Variants in ZZEF1 observed in about 807,000 individuals in gnomAD.
ZZEF1 encodes zinc finger ZZ-type and EF-hand domain-containing protein 1.
A neutral mutation model predicts 342.8 loss-of-function variants in ZZEF1; 157 were observed. The ratio of observed to expected loss-of-function variants is 0.46; its 90% CI spans 0.40 to 0.52. The LOEUF is 0.52. ZZEF1 is among the 20% of genes least tolerant of loss of function. The pLI is 0.00. For synonymous variants in ZZEF1, 1,505 were observed against 1,429.1 expected, an observed-to-expected ratio of 1.05 and a Z score of -1.20; for missense variants, 3,480 against 3,725.6, an observed-to-expected ratio of 0.93 and a Z score of 1.72.
intron 6 of ZZEF1, among the ~76,000 whole-genome samples, chr17:4,108,416 A>T (rs1172122731): frequency 6.6e-6 from 1 of 152,204 alleles, no homozygotes; most frequent in Non-Finnish European, 1.5e-5. Flanking sequence ...GGTCAAGGAA[A>T]TACTGAGGAA....
At chr17:4,013,317 A>C in intron 52 of ZZEF1, 132 bp downstream of exon 52, 2 of 890,890 alleles carry the variant, frequency 2.2e-6, no homozygotes, top group Non-Finnish European at 3.2e-6. Flanking sequence ...AAAGCAAATG[A>C]CTGAAAAACT....
intron 38 of ZZEF1, among the ~76,000 whole-genome samples, chr17:4,043,827 A>G (rs917517951): frequency 6.6e-6 from 1 of 152,120 alleles, no homozygotes; most frequent in Non-Finnish European, 1.5e-5. Context: ...CCCCAGAGAG[A>G]CACCAATCAC....
intron 7 of ZZEF1, among the ~76,000 whole-genome samples, chr17:4,105,357 G>C (rs1161009135): frequency 6.6e-6 from 1 of 152,112 alleles, no homozygotes; most frequent in Non-Finnish European, 1.5e-5. Flanking sequence ...AGGTAATCAG[G>C]CTCCCTGGAC....
Position 4,032,911 on chromosome 17 carries a change from T to C in ZZEF1, c.6676A>G (p.Thr2226Ala), listed in dbSNP as rs1301039320. 6.2e-7 allele frequency: 1 copy of C among 1,613,974 alleles called. No individual in the cohort carries two copies. Among genetic ancestry groups the C allele is most frequent in the South Asian group, 1.1e-5 (1 of 91,008 alleles). Residue 2226 changes from threonine to alanine, a missense_variant, in exon 41 of 55, where the codon ACA becomes GCA. Coordinates refer to ENST00000381638, the MANE Select transcript of ZZEF1 (RefSeq NM_015113.4). ...PLWRDVIATF[T>A]DHCIKQLPFQ... ...GGCAGCTGCTTGATGCAGTGGTCTGTGAAGGTGGCAATGACATCACGCCAC... is the reference window on the plus strand; with the variant it reads ...GGCAGCTGCTTGATGCAGTGGTCTGCGAAGGTGGCAATGACATCACGCCAC...
chr17:4,019,601 C>A (rs1216499148), intron 46 of ZZEF1, 68 bp downstream of exon 46: 2 of 1,407,516 alleles, frequency 1.4e-6, no homozygotes, highest in African/African-American at 1.4e-5. Flanking sequence ...TGCCAGGAGG[C>A]GCACACCCTC....
Position 4,014,495 on chromosome 17 carries a change from A to G in ZZEF1, c.8166T>C (p.Gly2722=), listed in dbSNP as rs2056049249. The change falls in exon 50 of 55, where the codon GGT becomes GGC. Residue 2722 remains glycine (G), a synonymous_variant. Transcript: ENST00000381638. The surrounding 1 kb of genome is among the most constrained non-coding windows in gnomAD (Gnocchi z 4.4). ...TNFEDKVHIP[G]AIYLSIKFDS... is the part of the protein sequence containing the mutation. ...CGAATTTGATTGAGAGGTAGATGGC[A>G]CCAGGAATGTGAACTTTATCCTAGG... is the stretch of plus-strand genomic sequence containing the variant. The G allele has an allele frequency of 3.1e-6, 5 of 1,614,186 alleles. No homozygotes were observed. Among genetic ancestry groups the G allele is most frequent in the Non-Finnish European group, 4.2e-6 (5 of 1,180,034 alleles).
In ZZEF1 at chr17:4,024,361, C is replaced by G. The variant is rs180990137; in HGVS notation, c.7092+558G>C. ...TACAGGCACGTACCACCACACCTGG[C>G]TAATTTTCTGTATTTTTAGTAGAGA... On this transcript the variant is annotated intron_variant, in intron 43 of 54. Coordinates refer to ENST00000381638, the MANE Select transcript of ZZEF1 (RefSeq NM_015113.4). Among the ~76,000 whole-genome samples, 113 of 152,064 alleles carry G rather than the reference C, an allele frequency of 7.4e-4. 1 individual carries two copies. Among genetic ancestry groups the G allele is most frequent in the Non-Finnish European group, 1.5e-3 (104 of 67,972 alleles).
intron 1 of ZZEF1, among the ~76,000 whole-genome samples, chr17:4,126,542 A>G (rs2058576459): frequency 6.6e-6 from 1 of 152,192 alleles, no homozygotes; most frequent in South Asian, 2.1e-4. Context: ...TGGAATTCTA[A>G]TCTGGGTAGG....
intron 2 of ZZEF1, among the ~76,000 whole-genome samples, chr17:4,118,037 C>T (rs1346159770): frequency 6.6e-6 from 1 of 152,146 alleles, no homozygotes; most frequent in Non-Finnish European, 1.5e-5. Flanking sequence ...AAATGAGGCT[C>T]AGGTGACACA....
rs1444732648 is a variant in ZZEF1 at position 4,016,684 on chromosome 17, G to C, written c.8002-218C>G. ...GACACTGCAGTCCTTTCAGAATGATGCTACTTAGAGGTGGTCTGAAAGAAC... is the reference window on the plus strand; with the variant it reads ...GACACTGCAGTCCTTTCAGAATGATCCTACTTAGAGGTGGTCTGAAAGAAC... On this transcript the variant is annotated intron_variant, in intron 48 of 54. Coordinates refer to ENST00000381638, the MANE Select transcript of ZZEF1 (RefSeq NM_015113.4). This position sits in a 1 kb window ranked among gnomAD's most constrained non-coding sequence, Gnocchi z 4.4. 3.7e-6 allele frequency: 2 copies of C among 535,372 alleles called. No individual in the cohort carries two copies. The highest frequency in any genetic ancestry group is 6.5e-6 in the Non-Finnish European group (2 of 305,468). 33.2% of individuals were successfully genotyped at this position (535,372 alleles called of 1,614,324 possible).
At chr17:4,036,078 C>CAAA (rs34564566) in intron 39 of ZZEF1, among the ~76,000 whole-genome samples, 45 of 92,750 alleles carry the variant, frequency 4.9e-4, no homozygotes, top group African/African-American at 1.4e-3. Flanking sequence ...ACAGCCTGTC[C>CAAA]AAAAAAAAAA....
chr17:4,142,741 T>G lies in ZZEF1; in HGVS notation c.155A>C (p.Glu52Ala). Reference protein sequence around the residue: ...PALPPAAALLEPARLREAAAA... With the variant: ...PALPPAAALLAPARLREAAAA... ...AGCAGCCTCTCGCAGCCTGGCCGGC[T>G]CCAGCAGCGCCGCGGCGGGTGGTAG... The change falls in exon 1 of 55, where the codon GAG (glutamate) becomes GCG (alanine). Residue 52 changes from glutamate to alanine, a missense_variant. By Grantham distance (107) the Glu-to-Ala change is moderately radical (BLOSUM62 -1). Around this residue, in one of 5 missense-constraint regions of ZZEF1, gnomAD observed 416 missense variants for 374.2 expected, o/e 1.11. Coordinates refer to ENST00000381638, the MANE Select transcript of ZZEF1 (RefSeq NM_015113.4). 1 of 1,514,534 alleles carries G rather than the reference T, an allele frequency of 6.6e-7. No homozygotes were observed. The highest frequency in any genetic ancestry group is 2.7e-5 in the East Asian group (1 of 36,816). 93.8% of individuals were successfully genotyped at this position (1,514,534 alleles called of 1,614,324 possible).
In ZZEF1 at chr17:4,130,182, G is replaced by A. The variant is rs892461063; in HGVS notation, c.355-6131C>T. Among the ~76,000 whole-genome samples, 26 of 152,292 alleles carry A rather than the reference G, an allele frequency of 1.7e-4. 1 individual carries two copies. Among genetic ancestry groups the A allele is most frequent in the Admixed American group, 3.9e-4 (6 of 15,300 alleles). ...AAAATAAAAATATGAGGTTGGGCAC[G>A]GTGGCTCATGCCTATAATCCCAGCA... On this transcript the variant is annotated intron_variant, in intron 1 of 54. Coordinates refer to ENST00000381638, the MANE Select transcript of ZZEF1 (RefSeq NM_015113.4).
chr17:4,067,192 A>G lies in ZZEF1; in HGVS notation c.4126T>C (p.Ser1376Pro). Residue 1376 changes from serine (S) to proline (P), a missense_variant, in exon 27 of 55, where the codon TCC becomes CCC. Ser to Pro is a moderately conservative substitution (Grantham distance 74). Coordinates refer to ENST00000381638, the MANE Select transcript of ZZEF1 (RefSeq NM_015113.4). ...ALSEEFAQVY[S>P]LADGIRIWML... ...CATATTCGAATCCCATCTGCCAAGG[A>G]ATAAACCTGGGCAAACTCTTCACTC... 2.5e-6 allele frequency: 4 copies of G among 1,613,422 alleles called. No individual in the cohort carries two copies. The highest frequency in any genetic ancestry group is 3.4e-6 in the Non-Finnish European group (4 of 1,179,774).
chr17:4,076,889 A>T lies in ZZEF1; in HGVS notation c.3090T>A (p.Phe1030Leu). 1 of 1,614,186 alleles carries T rather than the reference A, an allele frequency of 6.2e-7. No homozygotes were observed. The highest frequency in any genetic ancestry group is 1.3e-5 in the African/African-American group (1 of 75,070). The change falls in exon 20 of 55, where the codon TTT becomes TTA. Residue 1030 changes from phenylalanine to leucine, a missense_variant. Physicochemically the swap from Phe to Leu is conservative, Grantham distance 22. Coordinates refer to ENST00000381638, the MANE Select transcript of ZZEF1 (RefSeq NM_015113.4). Reference sequence around the variant, plus strand: ...TTACCAGTTGACGAGCTGCCATTGAAAACACTGAGTTACATAATCTTTCTA... The same window carrying T: ...TTACCAGTTGACGAGCTGCCATTGATAACACTGAGTTACATAATCTTTCTA... ...TIVERLCNSV[F>L]SMAARQLVIF...
rs540125261 is a variant in ZZEF1, at chr17:4,004,679, T to G, written c.*2211A>C. On this transcript the variant is annotated 3_prime_UTR_variant, in exon 55 of 55. Coordinates refer to ENST00000381638, the MANE Select transcript of ZZEF1 (RefSeq NM_015113.4). ...GTCTGTTTGTACAACAGGTATGCTCTGGAACAGGATTTCTTTACAGCGTAG... is the reference window on the plus strand; with the variant it reads ...GTCTGTTTGTACAACAGGTATGCTCGGGAACAGGATTTCTTTACAGCGTAG... 6.6e-6 allele frequency: 1 copy of G among 152,590 alleles called. No individual in the cohort carries two copies. The highest frequency in any genetic ancestry group is 1.9e-4 in the East Asian group (1 of 5,184). 9.5% of individuals were successfully genotyped at this position (152,590 alleles called of 1,614,324 possible).
intron 39 of ZZEF1, among the ~76,000 whole-genome samples, chr17:4,038,750 G>A (rs563079372): frequency 1.3e-5 from 2 of 152,188 alleles, no homozygotes; most frequent in South Asian, 4.1e-4. Flanking sequence ...AGGCTGCAGT[G>A]AGCCGAGATT....
In ZZEF1 at chr17:4,105,776, G is replaced by A; in HGVS notation, c.1311C>T (p.Leu437=). Residue 437 remains leucine, a synonymous_variant, in exon 7 of 55, where the codon CTC becomes CTT. Coordinates refer to ENST00000381638, the MANE Select transcript of ZZEF1 (RefSeq NM_015113.4). The part of the protein sequence containing the change: ...KALRHMPPLS[L]SPGSTDFSTF... ...TTGAGAAATCTGTAGATCCTGGTGA[G>A]AGAGAGAGTGGAGGCATGTGCCGCA... 6.2e-7 allele frequency: 1 copy of A among 1,613,252 alleles called. No homozygotes were observed. The highest frequency in any genetic ancestry group is 8.5e-7 in the Non-Finnish European group (1 of 1,179,676).
intron 52 of ZZEF1, among the ~76,000 whole-genome samples, chr17:4,010,027 A>C (rs2055905021): frequency 1.3e-5 from 2 of 152,198 alleles, no homozygotes; most frequent in South Asian, 4.1e-4. Flanking sequence ...TGCATCTTGA[A>C]AAATGGATGT....
Sources: gnomAD v4.1 joint callset for allele counts (sites outside exome capture counted in the v4.1 genomes callset) on GRCh38, gnomAD v4.1.1 for gene constraint, gnomAD v4.1.1 regional missense constraint, Gnocchi (gnomAD v3.1) non-coding constraint, MANE v1.5 for transcripts, NCBI Gene and HGNC (gene_info 2026-07-23, HGNC 2026-07-21) for gene names.